SSH2: variants seen among roughly 807,000 people sequenced by gnomAD.
SSH2 encodes the protein slingshot protein phosphatase 2.
A neutral mutation model predicts 135.2 loss-of-function variants in SSH2; 37 were observed. The observed-to-expected ratio is 0.27, with a 90% CI of 0.21 to 0.36. The LOEUF (loss-of-function observed/expected upper bound fraction) is 0.36. Among genes scored for constraint, SSH2 ranks in the 10% least tolerant of loss-of-function variants. The pLI, the probability that SSH2 is intolerant of heterozygous loss-of-function variation, is 1.00. For synonymous variants in SSH2, 628 were observed against 646.2 expected (o/e 0.97, Z 0.43); for missense variants, 1,408 against 1,765.3 (o/e 0.80, Z 3.63).
At chr17:29,810,097 GAATA>G (rs2042415153) in intron 2 of SSH2, among the ~76,000 whole-genome samples, 1 of 152,092 alleles carries the variant, frequency 6.6e-6, no homozygotes, top group Admixed American at 6.5e-5. Flanking sequence ...TAAAAATTTT[GAATA>G]AATGACTAAT....
chr17:29,705,141 T>C (rs1263689153), intron 3 of SSH2, among the ~76,000 whole-genome samples: 1 of 152,212 alleles, frequency 6.6e-6, no homozygotes, highest in Non-Finnish European at 1.5e-5. Flanking sequence ...CTTCCTATAA[T>C]ATATATCTAA....
rs142175219 is a variant in SSH2, at chr17:29,626,761, G to T, written c.*4080C>A. 6.6e-6 allele frequency: 1 copy of T among 152,540 alleles called. No individual in the cohort carries two copies. The highest frequency in any genetic ancestry group is 1.5e-5 in the Non-Finnish European group (1 of 68,022). 9.4% of individuals were successfully genotyped at this position (152,540 alleles called of 1,614,324 possible). On this transcript the variant is annotated 3_prime_UTR_variant, in exon 16 of 16. Coordinates refer to ENST00000540801, the MANE Select transcript of SSH2 (RefSeq NM_001282129.2). ...TGGTGGCAGGCCTTTTCCTAATATG[G>T]GTGTCAGAGGAGTTGAGGCAGCAAA... is the stretch of plus-strand genomic sequence containing the variant.
chr17:29,920,073 ATT>A (rs1261857702), intron 1 of SSH2, among the ~76,000 whole-genome samples: 1 of 152,054 alleles, frequency 6.6e-6, no homozygotes, highest in East Asian at 1.9e-4. Flanking sequence ...CACTCAGCTA[ATT>A]TTGTATTGTT....
intron 12 of SSH2, among the ~76,000 whole-genome samples, chr17:29,652,858 G>T (rs760186864): frequency 6.6e-6 from 1 of 151,992 alleles, no homozygotes; most frequent in Admixed American, 6.6e-5. Flanking sequence ...CTGTTTCACC[G>T]TGTTGGCCAG....
In SSH2 at chr17:29,684,006, G is replaced by C. The variant is rs183731351; in HGVS notation, c.479+557C>G. 5.3e-5 allele frequency among the ~76,000 whole-genome samples: 8 copies of C among 151,814 alleles called. No homozygotes were observed. In the East Asian group the frequency reaches 1.4e-3, roughly 26 times the overall value. On this transcript the variant is annotated intron_variant, in intron 6 of 15. Coordinates refer to ENST00000540801, the MANE Select transcript of SSH2 (RefSeq NM_001282129.2). ...TGGAAATGTAACTTTGAAACCACTTGCTTTATATTGTGACTATCTAAAGAT... is the reference window on the plus strand; with the variant it reads ...TGGAAATGTAACTTTGAAACCACTTCCTTTATATTGTGACTATCTAAAGAT...
At chr17:29,906,368 T>C (rs1457776387) in intron 1 of SSH2, among the ~76,000 whole-genome samples, 2 of 152,168 alleles carry the variant, frequency 1.3e-5, no homozygotes, top group Non-Finnish European at 2.9e-5. Flanking sequence ...TAACTCAAGA[T>C]GGATTAAAGA....
At chr17:29,844,237 T>A (rs1356993311) in intron 2 of SSH2, among the ~76,000 whole-genome samples, 2 of 152,166 alleles carry the variant, frequency 1.3e-5, no homozygotes, top group African/African-American at 4.8e-5. Flanking sequence ...CTATTCTATA[T>A]ATGACCTTCT....
chr17:29,677,182 T>C (rs2037755983), intron 7 of SSH2, among the ~76,000 whole-genome samples: 1 of 152,024 alleles, frequency 6.6e-6, no homozygotes, highest in African/African-American at 2.4e-5. Context: ...TTTGGAAGTC[T>C]TGTGGGTTCT....
At chr17:29,928,370 A>T (rs908423670) in intron 1 of SSH2, 1 of 395,554 alleles carries the variant, frequency 2.5e-6, no homozygotes, top group Non-Finnish European at 4.5e-6. Context: ...GTATTCTCAA[A>T]TCACAAAATC....
chr17:29,848,763 A>G (rs1442902605), intron 2 of SSH2, 86 bp downstream of exon 2: 2 of 808,632 alleles, frequency 2.5e-6, no homozygotes, highest in Non-Finnish European at 3.9e-6. Flanking sequence ...AATAGGCACT[A>G]TATCAGTTGC....
intron 1 of SSH2, among the ~76,000 whole-genome samples, chr17:29,928,897 T>C (rs754747144): frequency 2.6e-4 from 40 of 152,210 alleles, no homozygotes; most frequent in Admixed American, 2.6e-3. Context: ...ACACCGTTTT[T>C]AAAATTACAG....
At chr17:29,918,850 T>A (rs2151483352) in intron 1 of SSH2, among the ~76,000 whole-genome samples, 1 of 152,032 alleles carries the variant, frequency 6.6e-6, no homozygotes, top group South Asian at 2.1e-4. Context: ...GGCAGAAGAA[T>A]CACTTGAACC....
At chr17:29,873,119 A>C (rs984686682) in intron 1 of SSH2, among the ~76,000 whole-genome samples, 17 of 152,210 alleles carry the variant, frequency 1.1e-4, no homozygotes, top group Non-Finnish European at 2.2e-4. Flanking sequence ...GGAGTTAACA[A>C]GGCAAGCAAG....
At chr17:29,846,473 C>T (rs1033657696) in intron 2 of SSH2, among the ~76,000 whole-genome samples, 4 of 152,330 alleles carry the variant, frequency 2.6e-5, no homozygotes, top group African/African-American at 9.6e-5. Flanking sequence ...TCACACAACA[C>T]TGGACAAAGA....
intron 3 of SSH2, among the ~76,000 whole-genome samples, chr17:29,704,910 T>C (rs2039137810): frequency 6.6e-6 from 1 of 152,158 alleles, no homozygotes; most frequent in Non-Finnish European, 1.5e-5. Context: ...TAAATTGCTT[T>C]TGAGTACAGT....
At chr17:29,659,862 C>T (rs533615529) in intron 11 of SSH2, among the ~76,000 whole-genome samples, 12 of 151,074 alleles carry the variant, frequency 7.9e-5, no homozygotes, top group South Asian at 2.1e-4. Flanking sequence ...GACGGAGTCT[C>T]GCTCTATCGC....
intron 11 of SSH2, among the ~76,000 whole-genome samples, chr17:29,663,215 C>G (rs1007573730): frequency 1.3e-5 from 2 of 152,282 alleles, no homozygotes; most frequent in African/African-American, 4.8e-5. Context: ...GTGCAGTACA[C>G]TGCAGAACTG....
chr17:29,765,974 C>A (rs956141619), intron 3 of SSH2, among the ~76,000 whole-genome samples: 2 of 145,426 alleles, frequency 1.4e-5, no homozygotes, highest in Admixed American at 1.4e-4. Context: ...GAGCCAAGAT[C>A]GCACTGCTGC....
chr17:29,755,810 C>T (rs918673053), intron 3 of SSH2, among the ~76,000 whole-genome samples: 1 of 150,820 alleles, frequency 6.6e-6, no homozygotes, highest in Non-Finnish European at 1.5e-5. Flanking sequence ...TACAGGCACC[C>T]GCCACCGCAC....
Sources: allele counts gnomAD v4.1 joint callset (sites outside exome capture counted in the v4.1 genomes callset), GRCh38; gene constraint gnomAD v4.1.1; transcripts MANE v1.5; gene names NCBI Gene and HGNC (gene_info 2026-07-23, HGNC 2026-07-21).